Variants in TRANK1 observed in about 807,000 individuals in gnomAD.
TRANK1 encodes tetratricopeptide repeat and ankyrin repeat containing 1, also known as TPR and ankyrin repeat-containing protein 1.
In TRANK1, 198 loss-of-function variants were observed where a neutral mutation model predicts 266.0. The ratio of observed to expected loss-of-function variants is 0.74; its 90% CI spans 0.66 to 0.84. The LOEUF is 0.84. Among genes scored for constraint, TRANK1 ranks in the 40% least tolerant of loss-of-function variants. The probability of loss-of-function intolerance (pLI) is 0.00; values close to 1 mark genes in which losing one functional copy is unlikely to be tolerated. For synonymous variants in TRANK1, 1,396 were observed against 1,384.1 expected (o/e 1.01, Z -0.19); for missense variants, 3,326 against 3,634.6 (o/e 0.92, Z 2.18).
At chr3:36,845,242 A>G (rs898123601) in intron 17 of TRANK1, among the ~76,000 whole-genome samples, 1 of 152,222 alleles carries the variant, frequency 6.6e-6, no homozygotes, top group Admixed American at 6.5e-5. Flanking sequence ...AACTCTTGCT[A>G]TTTAAACCCT....
chr3:36,869,860 C>T (rs565973143), intron 9 of TRANK1, among the ~76,000 whole-genome samples: 4 of 152,344 alleles, frequency 2.6e-5, no homozygotes, highest in African/African-American at 9.6e-5. Flanking sequence ...GCTATCATAT[C>T]AGACAGAATA....
intron 9 of TRANK1, among the ~76,000 whole-genome samples, chr3:36,873,484 T>TC (rs2079339303): frequency 1.3e-5 from 2 of 152,234 alleles, no homozygotes; most frequent in South Asian, 4.1e-4. Context: ...TTTCTATAGG[T>TC]CTGCCCATGT....
At chr3:36,884,537 T>C (rs1057202208) in intron 8 of TRANK1, among the ~76,000 whole-genome samples, 1 of 152,182 alleles carries the variant, frequency 6.6e-6, no homozygotes, top group Non-Finnish European at 1.5e-5. Flanking sequence ...ATCATACCAT[T>C]GGATTTTATC....
Position 36,856,971 on chromosome 3 carries a change from C to A in TRANK1, c.2751G>T (p.Lys917Asn). Reference sequence around the variant, plus strand: ...ACGTGTTCTGCTCCGTGGCAATGATCTTCTCAGGGTTCTCACTGCATCGAG... The same window carrying A: ...ACGTGTTCTGCTCCGTGGCAATGATATTCTCAGGGTTCTCACTGCATCGAG... ...FSPRCSENPE[K>N]IIATEQNTCA... is the part of the protein sequence containing the mutation. Residue 917 changes from lysine to asparagine, a missense_variant, in exon 13 of 24, where the codon AAG (lysine) becomes AAT (asparagine). Transcript: ENST00000645898. 1.2e-6 allele frequency: 2 copies of A among 1,613,892 alleles called. No individual in the cohort carries two copies. The highest frequency in any genetic ancestry group is 1.6e-4 in the Middle Eastern group (1 of 6,062).
intron 12 of TRANK1, 28 bp downstream of exon 12, chr3:36,858,690 G>T (rs1352649237): frequency 6.8e-7 from 1 of 1,470,060 alleles, no homozygotes; most frequent in African/African-American, 1.4e-5. Flanking sequence ...TCCTCAAGGA[G>T]ACGGCTGCTT....
rs530620171 is a variant in TRANK1, at chr3:36,831,332, C to G, written c.8251G>C (p.Ala2751Pro). ...AAGTTCCCAGCCCTGGGCTCCCTGGCCTCCTCCCTGACACGCTCCATCTGG... is the reference window on the plus strand; with the variant it reads ...AAGTTCCCAGCCCTGGGCTCCCTGGGCTCCTCCCTGACACGCTCCATCTGG... ...GTQMERVREE[A>P]REPRAGNFKK... The change falls in exon 22 of 24, where the codon GCC (alanine) becomes CCC (proline). Residue 2751 changes from alanine to proline, a missense_variant. Physicochemically the swap from Ala to Pro is conservative, Grantham distance 27. Coordinates refer to ENST00000645898, the MANE Select transcript of TRANK1 (RefSeq NM_001329998.2). This position sits in a 1 kb window ranked among gnomAD's most constrained non-coding sequence, Gnocchi z 5.0. The G allele has an allele frequency of 6.2e-7, 1 of 1,613,644 alleles. No individual in the cohort carries two copies. Among genetic ancestry groups the G allele is most frequent in the Non-Finnish European group, 8.5e-7 (1 of 1,179,824 alleles).
chr3:36,828,151 G>T lies in TRANK1; in HGVS notation c.*124C>A. ...AGTAATGAGAATAAAAAGCAATGGT[G>T]TTGTTAGACTCCCCTATTTTTAAAA... On this transcript the variant is annotated 3_prime_UTR_variant, in exon 24 of 24. Coordinates refer to ENST00000645898, the MANE Select transcript of TRANK1 (RefSeq NM_001329998.2). 1.4e-6 allele frequency: 1 copy of T among 690,678 alleles called. No individual in the cohort carries two copies. The highest frequency in any genetic ancestry group is 2.5e-6 in the Non-Finnish European group (1 of 399,400). The allele number at this position is 690,678 out of a possible 1,614,324, so 42.8% of individuals were successfully genotyped here. A position where few individuals can be genotyped will look rare whatever the true frequency, so the allele number is the denominator to read the frequency against.
chr3:36,881,938 G>C (rs555269399), intron 8 of TRANK1, among the ~76,000 whole-genome samples: 1 of 152,148 alleles, frequency 6.6e-6, no homozygotes, highest in Non-Finnish European at 1.5e-5. Flanking sequence ...TTTTATGGTT[G>C]AATAATATTC....
chr3:36,907,525 C>T (rs894551517), intron 2 of TRANK1, among the ~76,000 whole-genome samples: 2 of 138,286 alleles, frequency 1.4e-5, no homozygotes, highest in African/African-American at 5.5e-5. Flanking sequence ...AGTGCAGTGG[C>T]GTAATCTCGG....
At chr3:36,919,987 G>A (rs953346321) in intron 1 of TRANK1, among the ~76,000 whole-genome samples, 4 of 152,074 alleles carry the variant, frequency 2.6e-5, no homozygotes, top group South Asian at 2.1e-4. Context: ...TGTAGCTCAC[G>A]TTCTTGCAAT....
chr3:36,931,806 T>C (rs1335826435), intron 1 of TRANK1, among the ~76,000 whole-genome samples: 1 of 152,198 alleles, frequency 6.6e-6, no homozygotes, highest in Admixed American at 6.5e-5. Context: ...CCCAGCACTC[T>C]GGGAGGCCAA....
At chr3:36,933,001 T>C (rs1471330843) in intron 1 of TRANK1, among the ~76,000 whole-genome samples, 1 of 152,210 alleles carries the variant, frequency 6.6e-6, no homozygotes, top group East Asian at 1.9e-4. Context: ...CTTTAATTCA[T>C]AGTACCCCCA....
chr3:36,882,125 TG>T (rs1227642713), intron 8 of TRANK1, among the ~76,000 whole-genome samples: 1 of 152,224 alleles, frequency 6.6e-6, no homozygotes, highest in African/African-American at 2.4e-5. Flanking sequence ...TTTGGTCTTC[TG>T]GTAACTGTTT....
intron 3 of TRANK1, among the ~76,000 whole-genome samples, chr3:36,900,833 C>T (rs1275945417): frequency 1.5e-5 from 1 of 64,910 alleles, no homozygotes; most frequent in Non-Finnish European, 3.3e-5. Flanking sequence ...GCCTGGGTGA[C>T]AAAGCAAGAC....
intron 18 of TRANK1, among the ~76,000 whole-genome samples, 174 bp from the exon 19 acceptor site, chr3:36,838,890 A>T (rs2125516233): frequency 6.6e-6 from 1 of 152,380 alleles, no homozygotes; most frequent in Middle Eastern, 3.4e-3. Context: ...GTCTTGGAGG[A>T]TAAAACCCAA....
intron 8 of TRANK1, 60 bp downstream of exon 8, chr3:36,889,769 G>T: frequency 6.8e-7 from 1 of 1,477,408 alleles, no homozygotes; most frequent in African/African-American, 1.4e-5. Flanking sequence ...GGTGGTGTGG[G>T]TCCTCAAAGC....
At chr3:36,941,995 G>A (rs1459318480) in intron 1 of TRANK1, among the ~76,000 whole-genome samples, 1 of 152,142 alleles carries the variant, frequency 6.6e-6, no homozygotes, top group African/African-American at 2.4e-5. Flanking sequence ...AATGGCCAGA[G>A]AGGCCCACAC....
chr3:36,830,319 TAA>T (rs1284824798), intron 22 of TRANK1, among the ~76,000 whole-genome samples: 3 of 134,212 alleles, frequency 2.2e-5, no homozygotes, highest in Admixed American at 7.5e-5. Context: ...CATCTCTATT[TAA>T]AAAAAAAAAA....
chr3:36,846,410 G>A lies in TRANK1; in HGVS notation c.5035-6C>T, dbSNP rs200480928. On this transcript the variant is annotated splice_polypyrimidine_tract_variant and splice_region_variant and intron_variant, in intron 16 of 23. Transcript: ENST00000645898. ...TTCAGCTCTCCGTTGAGGAGCTAAA[G>A]ATAACATTGAGGACAAAGATGATGA... The A allele has an allele frequency of 8.1e-6, 13 of 1,609,664 alleles. No individual in the cohort carries two copies. The East Asian group carries it at 2.7e-4, about 33-fold the overall frequency.
Sources: allele counts gnomAD v4.1 joint callset (sites outside exome capture counted in the v4.1 genomes callset), GRCh38; gene constraint gnomAD v4.1.1; non-coding constraint Gnocchi (gnomAD v3.1); transcripts MANE v1.5; gene names NCBI Gene and HGNC (gene_info 2026-07-23, HGNC 2026-07-21).